NFIX: variants seen among roughly 807,000 people sequenced by gnomAD.
The protein encoded by NFIX is nuclear factor 1 X-type.
Under a neutral mutation model 53.3 loss-of-function variants are expected in NFIX, and 2 were observed. The observed-to-expected ratio is 0.04, with a 90% CI of 0.02 to 0.12. NFIX has a LOEUF of 0.12. NFIX is among the 10% of genes least tolerant of loss of function. The pLI is 1.00. For synonymous variants in NFIX, 244 were observed against 289.0 expected (o/e 0.84, Z 1.58); for missense variants, 310 against 674.5 (o/e 0.46, Z 5.99).
intron 2 of NFIX, among the ~76,000 whole-genome samples, chr19:13,063,075 A>G (rs996682319): frequency 6.6e-6 from 1 of 152,174 alleles, no homozygotes; most frequent in Non-Finnish European, 1.5e-5. Flanking sequence ...AAGGCCAGAA[A>G]GAGAGCAGGG....
intron 1 of NFIX, among the ~76,000 whole-genome samples, chr19:13,015,802 A>ACGCACACG (rs974731698): frequency 2.1e-5 from 3 of 144,532 alleles, no homozygotes; most frequent in African/African-American, 8.0e-5. Flanking sequence ...ACACACACAC[A>ACGCACACG]CACACACACA....
rs2012369731 is a variant in NFIX, at chr19:13,011,918, C to G, written c.28-13103C>G. On this transcript the variant is annotated intron_variant, in intron 1 of 10. Transcript: ENST00000592199. This position sits in a 1 kb window ranked among gnomAD's most constrained non-coding sequence, Gnocchi z 6.5. ...ATGGAGGTAGAGGTGGTGGGGAGGT[C>G]TCCCCAGGGCCCAGGCAGGAGGAGG... Among the ~76,000 whole-genome samples, 1 of 152,138 alleles carries G rather than the reference C, an allele frequency of 6.6e-6. No individual in the cohort carries two copies. The highest frequency in any genetic ancestry group is 2.1e-4 in the South Asian group (1 of 4,828).
intron 5 of NFIX, 99 bp from the exon 6 acceptor site, chr19:13,075,436 A>G: frequency 7.4e-7 from 1 of 1,351,456 alleles, no homozygotes; most frequent in Non-Finnish European, 1.0e-6. Context: ...CTCCCCACCC[A>G]GAGGGCCATC....
chr19:13,098,742 C>G lies in NFIX; in HGVS notation c.*4093C>G, dbSNP rs867279599. 6.6e-6 allele frequency: 1 copy of G among 151,882 alleles called. No homozygotes were observed. The highest frequency in any genetic ancestry group is 1.5e-5 in the Non-Finnish European group (1 of 68,290). 9.4% of individuals were successfully genotyped at this position (151,882 alleles called of 1,614,324 possible). On this transcript the variant is annotated 3_prime_UTR_variant, in exon 11 of 11. Transcript: ENST00000592199. ...CTTTGCCTGACTCTCTCCGGCTTCT[C>G]CATTGAATGGCTAATGTGTATGTGA...
intron 2 of NFIX, among the ~76,000 whole-genome samples, chr19:13,053,258 TC>T (rs1190374228): frequency 6.6e-6 from 1 of 152,192 alleles, no homozygotes; most frequent in Non-Finnish European, 1.5e-5. Flanking sequence ...GCTCTGCTTC[TC>T]TTTGACTTTA....
rs35712689 is a variant in NFIX, at chr19:13,060,762, T to TG, written c.560-12278dup. 0.05 allele frequency among the ~76,000 whole-genome samples: 7,527 copies of TG among 150,974 alleles called. 214 individuals are homozygous for TG. The highest frequency in any genetic ancestry group is 0.094 in the Middle Eastern group (27 of 286). Reference sequence around the variant, plus strand: ...TCTGCACTGCCCAGGGTCAGGGGGATGGGGGGGTCGGCCTCACCTCGGCTA... The same window carrying TG: ...TCTGCACTGCCCAGGGTCAGGGGGATGGGGGGGGTCGGCCTCACCTCGGCTA... On this transcript the variant is annotated intron_variant, in intron 2 of 10. Transcript: ENST00000592199. This position sits in a 1 kb window ranked among gnomAD's most constrained non-coding sequence, Gnocchi z 4.3.
At chr19:13,010,507 A>T (rs1282883217) in intron 1 of NFIX, among the ~76,000 whole-genome samples, 1 of 152,224 alleles carries the variant, frequency 6.6e-6, no homozygotes, top group East Asian at 1.9e-4. Flanking sequence ...TTATATGCGC[A>T]CCTAGGCCTG....
intron 2 of NFIX, among the ~76,000 whole-genome samples, chr19:13,054,140 C>T (rs760131664): frequency 6.6e-5 from 10 of 152,184 alleles, no homozygotes; most frequent in Admixed American, 2.6e-4. Flanking sequence ...CCCCAGTTCC[C>T]GTCTCTACCG....
At chr19:13,079,168 T>C (rs1159491469) in intron 7 of NFIX, among the ~76,000 whole-genome samples, 1 of 152,128 alleles carries the variant, frequency 6.6e-6, no homozygotes, top group Non-Finnish European at 1.5e-5. Flanking sequence ...TGAGCCCAGG[T>C]TGATGTGGGG....
rs2018554724 is a variant in NFIX at position 13,097,872 on chromosome 19, C to T, written c.*3223C>T. The stretch of plus-strand genomic sequence containing the variant: ...CATCTCTCATCCTATCCCCGACCCC[C>T]TCCGGGGAACACCGGGAAGGCTCGA... On this transcript the variant is annotated 3_prime_UTR_variant, in exon 11 of 11. Transcript: ENST00000592199. 2 of 152,576 alleles carry T rather than the reference C, an allele frequency of 1.3e-5. No individual in the cohort carries two copies. Among genetic ancestry groups the T allele is most frequent in the Admixed American group, 6.5e-5 (1 of 15,286 alleles). 9.5% of individuals were successfully genotyped at this position (152,576 alleles called of 1,614,324 possible). A position where few individuals can be genotyped will look rare whatever the true frequency, so the allele number is the denominator to read the frequency against.
intron 10 of NFIX, among the ~76,000 whole-genome samples, chr19:13,091,145 G>A (rs2018112020): frequency 6.6e-6 from 1 of 152,120 alleles, no homozygotes; most frequent in Non-Finnish European, 1.5e-5. Context: ...GCAGCTTTAG[G>A]GGGCCTGAGG....
At chr19:13,017,559 AG>A (rs986506695) in intron 1 of NFIX, among the ~76,000 whole-genome samples, 1 of 151,894 alleles carries the variant, frequency 6.6e-6, no homozygotes, top group Non-Finnish European at 1.5e-5. Context: ...TAAAAAATGA[AG>A]GGGGGTGTCT....
At chr19:13,020,729 GC>G (rs1276017341) in intron 1 of NFIX, among the ~76,000 whole-genome samples, 2 of 152,124 alleles carry the variant, frequency 1.3e-5, no homozygotes, top group Non-Finnish European at 2.9e-5. Flanking sequence ...ACACTCTTCT[GC>G]CGCCTCTCCT....
rs972686814 is a variant in NFIX, at chr19:13,081,399, T to C, written c.1079-281T>C. 1.6e-4 allele frequency among the ~76,000 whole-genome samples: 24 copies of C among 152,164 alleles called. No homozygotes were observed. The highest frequency in any genetic ancestry group is 4.8e-4 in the African/African-American group (20 of 41,422). On this transcript the variant is annotated intron_variant, in intron 7 of 10. Coordinates refer to ENST00000592199, the MANE Select transcript of NFIX (RefSeq NM_001365902.3). The surrounding 1 kb of genome is among the most constrained non-coding windows in gnomAD (Gnocchi z 4.7). ...CCTCATCCTAATCTCCCAGCGCTGG[T>C]TGTGATCAAACTTTATTTACAAAAA...
rs1305170738 is a variant in NFIX, at chr19:13,096,094, CA to C, written c.*1446del. On this transcript the variant is annotated 3_prime_UTR_variant, in exon 11 of 11. Coordinates refer to ENST00000592199, the MANE Select transcript of NFIX (RefSeq NM_001365902.3). ...CCCCTGGGAGGGAGGGGAGGATGAG[CA>C]CGCCCAGCTCCCCTCCAGGGTGTGA... The C allele has an allele frequency of 6.6e-6, 1 of 152,388 alleles. No homozygotes were observed. Among genetic ancestry groups the C allele is most frequent in the Non-Finnish European group, 1.5e-5 (1 of 68,024 alleles). The allele number at this position is 152,388 out of a possible 1,614,324, so 9.4% of individuals were successfully genotyped here.
intron 2 of NFIX, among the ~76,000 whole-genome samples, chr19:13,059,848 A>C (rs2015957111): frequency 8.0e-6 from 1 of 124,920 alleles, no homozygotes; most frequent in South Asian, 2.6e-4. Context: ...CAGTGGTGCG[A>C]TCTCGGCTCA....
At chr19:13,041,579 G>A (rs551195336) in intron 2 of NFIX, among the ~76,000 whole-genome samples, 2 of 152,142 alleles carry the variant, frequency 1.3e-5, no homozygotes, top group African/African-American at 4.8e-5. Context: ...GGCAGATCAC[G>A]AGATCAGGAG....
chr19:13,055,055 C>A (rs1400537212), intron 2 of NFIX, among the ~76,000 whole-genome samples: 1 of 151,966 alleles, frequency 6.6e-6, no homozygotes, highest in Non-Finnish European at 1.5e-5. Flanking sequence ...TTTTCCCTTC[C>A]TTCTCTCTCT....
intron 2 of NFIX, chr19:13,071,030 A>G (rs370672945): frequency 6.6e-6 from 1 of 152,400 alleles, no homozygotes; most frequent in Admixed American, 6.5e-5. Context: ...TGGACTGTGA[A>G]GCTTCCTCCT....
Sources: allele counts gnomAD v4.1 joint callset (sites outside exome capture counted in the v4.1 genomes callset), GRCh38; gene constraint gnomAD v4.1.1; non-coding constraint Gnocchi (gnomAD v3.1); transcripts MANE v1.5; gene names NCBI Gene and HGNC (gene_info 2026-07-23, HGNC 2026-07-21).